Variants in RBFOX1 observed in about 807,000 individuals in gnomAD.
The protein encoded by RBFOX1 is RNA binding protein fox-1 homolog 1.
A neutral mutation model predicts 57.7 loss-of-function variants in RBFOX1; 8 were observed. The ratio of observed to expected loss-of-function variants is 0.14; its 90% CI spans 0.08 to 0.25. The LOEUF (loss-of-function observed/expected upper bound fraction) is 0.25. Ranked by LOEUF, RBFOX1 falls within the 10% of genes least tolerant of loss-of-function variation. RBFOX1 has a pLI of 1.00. For synonymous variants in RBFOX1, 326 were observed against 222.4 expected, an observed-to-expected ratio of 1.47 and a Z score of -4.15; for missense variants, 611 against 548.5, an observed-to-expected ratio of 1.11 and a Z score of -1.14.
In RBFOX1 at chr16:7,630,354, C is replaced by A. The variant is rs11641368; in HGVS notation, c.677-249C>A. ...ATCTGAACCTGGGCCCTGGGGCAACCAGAGTCCGCTACACAACCCCGTGTG... is the reference window on the plus strand; with the variant it reads ...ATCTGAACCTGGGCCCTGGGGCAACAAGAGTCCGCTACACAACCCCGTGTG... On this transcript the variant is annotated intron_variant, in intron 10 of 15. Coordinates refer to ENST00000550418, the MANE Select transcript of RBFOX1 (RefSeq NM_018723.4). 5.2e-3 allele frequency among the ~76,000 whole-genome samples: 788 copies of A among 152,040 alleles called. 3 individuals are homozygous for A. The highest frequency in any genetic ancestry group is 0.017 in the Middle Eastern group (5 of 292).
rs1451156815 is a variant in RBFOX1, at chr16:6,178,793, T to G, written c.-126-138202T>G. Among the ~76,000 whole-genome samples, 6 of 152,302 alleles carry G rather than the reference T, an allele frequency of 3.9e-5. No homozygotes were observed. The South Asian group carries it at 1.0e-3, about 26-fold the overall frequency. On this transcript the variant is annotated intron_variant, in intron 1 of 15. Transcript: ENST00000550418. ...TACTTATGTAACTCTCAAAACTCAC[T>G]TTAATTGATCTTTTTAGCAAGGGCC...
chr16:7,707,734 C>CA (rs2082943591), intron 14 of RBFOX1, among the ~76,000 whole-genome samples: 1 of 152,170 alleles, frequency 6.6e-6, no homozygotes, highest in African/African-American at 2.4e-5. Flanking sequence ...ATTAAAAAGC[C>CA]AACCCACTTG....
intron 4 of RBFOX1, among the ~76,000 whole-genome samples, chr16:7,264,935 C>T (rs2095069022): frequency 6.6e-6 from 1 of 152,198 alleles, no homozygotes. Flanking sequence ...GCCAAGAGTC[C>T]AACACTTTCC....
intron 4 of RBFOX1, among the ~76,000 whole-genome samples, chr16:7,184,093 G>A (rs534862638): frequency 2.6e-5 from 4 of 152,180 alleles, no homozygotes; most frequent in Non-Finnish European, 5.9e-5. Context: ...AGAAGAGCCT[G>A]GCAGCACAAA....
At chr16:5,658,745 TA>T (rs2049538617) in intron 3 of RBFOX1, among the ~76,000 whole-genome samples, 1 of 2,822 alleles carries the variant, frequency 3.5e-4, no homozygotes, top group Non-Finnish European at 0.01. Context: ...TATAAATGTG[TA>T]TATATATATA....
intron 4 of RBFOX1, among the ~76,000 whole-genome samples, chr16:7,077,016 A>G (rs752651587): frequency 3.3e-5 from 5 of 152,206 alleles, no homozygotes; most frequent in Non-Finnish European, 5.9e-5. Flanking sequence ...AAAGACATCC[A>G]TCTGATTTCT....
At chr16:6,559,761 C>T (rs942593603) in intron 2 of RBFOX1, among the ~76,000 whole-genome samples, 2 of 152,002 alleles carry the variant, frequency 1.3e-5, no homozygotes, top group Non-Finnish European at 2.9e-5. Flanking sequence ...ATATATTGAA[C>T]ACCTACTATG....
chr16:5,271,576 C>T (rs1242632688), intron 1 of RBFOX1, among the ~76,000 whole-genome samples: 19 of 151,696 alleles, frequency 1.3e-4, no homozygotes, highest in African/African-American at 3.9e-4. Flanking sequence ...CCTGACTGCG[C>T]GTTAGGTATT....
In RBFOX1 at chr16:5,982,359, C is replaced by T. The variant is rs571504941; in HGVS notation, c.351+115024C>T. On this transcript the variant is annotated intron_variant, in intron 4 of 19. Coordinates refer to the RBFOX1 transcript ENST00000641259. The stretch of plus-strand genomic sequence containing the variant: ...TTTGATCTGGGCTCACTGCAACCTC[C>T]GCCTTCTGGGTTCAAGCAGTTTTCC... 1.4e-4 allele frequency among the ~76,000 whole-genome samples: 21 copies of T among 152,170 alleles called. No homozygotes were observed. In the South Asian group the frequency reaches 2.9e-3, roughly 21 times the overall value.
chr16:6,137,018 C>T (rs1239978738), intron 1 of RBFOX1, among the ~76,000 whole-genome samples: 1 of 152,190 alleles, frequency 6.6e-6, no homozygotes, highest in Admixed American at 6.5e-5. Context: ...GCTGGAAACT[C>T]CCAACTTGCT....
At chr16:7,286,749 G>A (rs983688836) in intron 4 of RBFOX1, among the ~76,000 whole-genome samples, 7 of 148,506 alleles carry the variant, frequency 4.7e-5, no homozygotes, top group Non-Finnish European at 7.4e-5. Flanking sequence ...TCAGCCTCCC[G>A]AGTAGCTGGG....
chr16:7,417,806 G>A (rs1474835374), intron 4 of RBFOX1, among the ~76,000 whole-genome samples: 3 of 152,134 alleles, frequency 2.0e-5, no homozygotes. Context: ...CATGTGTGTG[G>A]TTGCAGAATT....
chr16:6,616,927 A>T (rs567317388), intron 2 of RBFOX1, among the ~76,000 whole-genome samples: 1 of 152,174 alleles, frequency 6.6e-6, no homozygotes, highest in Admixed American at 6.5e-5. Flanking sequence ...TTGTTTACAT[A>T]TTGTCTCTGG....
intron 4 of RBFOX1, among the ~76,000 whole-genome samples, chr16:5,982,171 T>C (rs1043636976): frequency 4.6e-5 from 7 of 152,190 alleles, no homozygotes; most frequent in Non-Finnish European, 1.0e-4. Context: ...CATCTCACCC[T>C]ACTACCTTTA....
At chr16:7,242,021 G>T (rs1314556298) in intron 4 of RBFOX1, among the ~76,000 whole-genome samples, 1 of 151,680 alleles carries the variant, frequency 6.6e-6, no homozygotes, top group Admixed American at 6.6e-5. Flanking sequence ...CTTTTTTTGT[G>T]CAGTGTCCCT....
At chr16:6,264,740 C>T (rs2097722686) in intron 1 of RBFOX1, among the ~76,000 whole-genome samples, 2 of 152,194 alleles carry the variant, frequency 1.3e-5, no homozygotes, top group South Asian at 4.1e-4. Flanking sequence ...GGCAGGTGCT[C>T]AGCTCTTTTT....
intron 4 of RBFOX1, among the ~76,000 whole-genome samples, chr16:7,485,456 T>A (rs1355731784): frequency 6.6e-6 from 1 of 152,242 alleles, no homozygotes; most frequent in East Asian, 1.9e-4. Flanking sequence ...TGAATCCAGC[T>A]GAATGCTTCA....
chr16:6,832,485 A>G (rs749483449), intron 3 of RBFOX1, among the ~76,000 whole-genome samples: 10 of 152,212 alleles, frequency 6.6e-5, no homozygotes, highest in East Asian at 1.9e-4. Context: ...AATGAAATGT[A>G]ACACCTATTG....
At chr16:6,712,785 G>T (rs1288155614) in intron 3 of RBFOX1, among the ~76,000 whole-genome samples, 8 of 151,434 alleles carry the variant, frequency 5.3e-5, no homozygotes, top group Admixed American at 5.3e-4. Context: ...GATATGGTTT[G>T]GCTGTGTCCC....
Sources: allele counts gnomAD v4.1 joint callset (sites outside exome capture counted in the v4.1 genomes callset), GRCh38; gene constraint gnomAD v4.1.1; transcripts MANE v1.5; gene names NCBI Gene and HGNC (gene_info 2026-07-23, HGNC 2026-07-21).